The following SLC44A5 variants were observed in gnomAD, a reference collection of about 807,000 sequenced individuals.
The protein encoded by SLC44A5 is choline transporter-like protein 5.
SLC44A5 carries 57 observed loss-of-function variants against 101.8 expected under a neutral mutation model. The observed-to-expected ratio is 0.56, with a 90% CI of 0.45 to 0.70. The LOEUF is 0.70. Ranked by LOEUF, SLC44A5 falls within the 30% of genes least tolerant of loss-of-function variation. SLC44A5 has a pLI of 0.00. For missense variants in SLC44A5, 737 were observed against 853.1 expected (o/e 0.86, Z 1.70); for synonymous variants, 281 against 290.9 (o/e 0.97, Z 0.35).
chr1:75,563,035 G>T (rs1299826801), intron 1 of SLC44A5, among the ~76,000 whole-genome samples: 3 of 151,942 alleles, frequency 2.0e-5, no homozygotes, highest in Non-Finnish European at 4.4e-5. Flanking sequence ...TCTTTGATAC[G>T]CAATCATTAC....
In SLC44A5 at chr1:75,475,111, A is replaced by G. The variant is rs544707815; in HGVS notation, c.13+66324T>C. Among the ~76,000 whole-genome samples, 10 of 152,342 alleles carry G rather than the reference A, an allele frequency of 6.6e-5. No individual in the cohort carries two copies. The South Asian group carries it at 1.9e-3, about 28-fold the overall frequency. ...CCACTTGCCCTCTGTGGCATTTATG[A>G]AAGAACCCCTCATAAGGAAAAATAA... On this transcript the variant is annotated intron_variant, in intron 2 of 23. Transcript: ENST00000370859.
Position 75,281,205 on chromosome 1 carries a change from G to C in SLC44A5, c.176-6163C>G, listed in dbSNP as rs144557977. On this transcript the variant is annotated intron_variant, in intron 5 of 23. Transcript: ENST00000370859. ...TAGTGATATGGACAATGAAGTCCAG[G>C]CTGAGATGATCTCAGATGGAGATGA... Among the ~76,000 whole-genome samples, 774 of 152,236 alleles carry C rather than the reference G, an allele frequency of 5.1e-3. 8 individuals carry two copies. The highest frequency in any genetic ancestry group is 0.018 in the African/African-American group (746 of 41,552).
chr1:75,616,663 T>G, the SLC44A5 span, among the ~76,000 whole-genome samples: 1 of 152,134 alleles, frequency 6.6e-6, no homozygotes, highest in African/African-American at 2.4e-5. Context: ...CGCGGTTGCC[T>G]CTGCCCCTCC....
chr1:75,684,031 A>G, the SLC44A5 span, among the ~76,000 whole-genome samples: 3 of 152,178 alleles, frequency 2.0e-5, no homozygotes, highest in Non-Finnish European at 4.4e-5. Flanking sequence ...TCAGTTCCAC[A>G]TGGCTGGGAA....
At chr1:75,445,276 G>A (rs1665487597) in intron 2 of SLC44A5, among the ~76,000 whole-genome samples, 3 of 151,926 alleles carry the variant, frequency 2.0e-5, no homozygotes, top group Admixed American at 6.6e-5. Context: ...TCCTTCTCTT[G>A]CCATGTGACA....
chr1:75,264,966 G>T (rs923063759), intron 6 of SLC44A5, among the ~76,000 whole-genome samples: 1 of 151,978 alleles, frequency 6.6e-6, no homozygotes, highest in Non-Finnish European at 1.5e-5. Context: ...AATGAAAAAC[G>T]CTATCAGAGA....
At chr1:75,449,314 C>T (rs530372808) in intron 2 of SLC44A5, among the ~76,000 whole-genome samples, 3 of 152,314 alleles carry the variant, frequency 2.0e-5, no homozygotes, top group Non-Finnish European at 4.4e-5. Flanking sequence ...CAGCTTTAGA[C>T]ATTCATGAGA....
chr1:75,700,847 T>G, the SLC44A5 span, among the ~76,000 whole-genome samples: 212 of 152,192 alleles, frequency 1.4e-3, no homozygotes, highest in African/African-American at 4.9e-3. Flanking sequence ...CACACAGAAA[T>G]ACAAACTACC....
chr1:75,395,543 G>A lies in SLC44A5; in HGVS notation c.52+1040C>T, dbSNP rs375992958. Among the ~76,000 whole-genome samples, 101 of 152,236 alleles carry A rather than the reference G, an allele frequency of 6.6e-4. 1 individual carries two copies. In the East Asian group the frequency reaches 0.017, roughly 26 times the overall value. ...AAACTGTAAAATGCTATCTAAGTGT[G>A]AGAACAAACAGCAGCATCTAAGTAG... On this transcript the variant is annotated intron_variant, in intron 3 of 23. Transcript: ENST00000370859.
chr1:75,304,118 G>A (rs914862427), intron 4 of SLC44A5, among the ~76,000 whole-genome samples: 7 of 152,096 alleles, frequency 4.6e-5, no homozygotes, highest in African/African-American at 1.7e-4. Flanking sequence ...CTGCTTTAGA[G>A]AAATGGCAGA....
At chr1:75,641,337 G>A in the SLC44A5 span, 1 of 711,476 alleles carries the variant, frequency 1.4e-6, no homozygotes, top group Non-Finnish European at 2.5e-6. Context: ...CAAAACATGA[G>A]GAATCTCTTA....
upstream of SLC44A5, among the ~76,000 whole-genome samples, chr1:75,615,360 GA>G (rs1252397967): frequency 2.0e-5 from 3 of 151,818 alleles, no homozygotes; most frequent in African/African-American, 4.8e-5. Context: ...GGGGCGGAGG[GA>G]GGGGGGATTG....
At chr1:75,614,602 A>T (rs986896104), upstream of SLC44A5, among the ~76,000 whole-genome samples, 1 of 152,196 alleles carries the variant, frequency 6.6e-6, no homozygotes, top group Non-Finnish European at 1.5e-5. Context: ...AGGAAAAGCA[A>T]AAAGCACGCC....
intron 3 of SLC44A5, among the ~76,000 whole-genome samples, chr1:75,342,793 T>C (rs1319718902): frequency 2.0e-5 from 3 of 152,172 alleles, no homozygotes; most frequent in Admixed American, 6.6e-5. Flanking sequence ...TGAAATGCCA[T>C]TGTCGAATCT....
At chr1:75,338,944 C>A (rs1657657746) in intron 4 of SLC44A5, among the ~76,000 whole-genome samples, 2 of 152,284 alleles carry the variant, frequency 1.3e-5, no homozygotes, top group South Asian at 4.1e-4. Context: ...ACCTCACAAT[C>A]CCCTTTGTTA....
chr1:75,367,904 G>C (rs1008886431), intron 3 of SLC44A5, among the ~76,000 whole-genome samples: 19 of 152,190 alleles, frequency 1.2e-4, no homozygotes, highest in Non-Finnish European at 8.8e-5. Flanking sequence ...TTGGAGTTGG[G>C]AGAATATGAA....
At chr1:75,309,224 A>C (rs1655119477) in intron 4 of SLC44A5, among the ~76,000 whole-genome samples, 1 of 152,192 alleles carries the variant, frequency 6.6e-6, no homozygotes, top group African/African-American at 2.4e-5. Context: ...TGGGGGGATT[A>C]CTTAAAGCTA....
intron 3 of SLC44A5, among the ~76,000 whole-genome samples, chr1:75,395,298 G>A (rs964320825): frequency 2.6e-5 from 4 of 152,110 alleles, no homozygotes; most frequent in Admixed American, 6.5e-5. Flanking sequence ...GAATGATTCA[G>A]ACTTCTGATG....
the SLC44A5 span, among the ~76,000 whole-genome samples, chr1:75,666,762 G>T: frequency 1.3e-5 from 2 of 152,110 alleles, no homozygotes; most frequent in Non-Finnish European, 2.9e-5. Context: ...TTCATACCTG[G>T]CATGCAAGGC....
Sources: gnomAD v4.1 joint callset for allele counts (sites outside exome capture counted in the v4.1 genomes callset) on GRCh38, gnomAD v4.1.1 for gene constraint, MANE v1.5 for transcripts, NCBI Gene and HGNC (gene_info 2026-07-23, HGNC 2026-07-21) for gene names.